Variants in KCNN2 observed in about 807,000 individuals in gnomAD.
The protein encoded by KCNN2 is potassium calcium-activated channel subfamily N member 2.
KCNN2 carries 24 observed loss-of-function variants against 55.5 expected under a neutral mutation model. The ratio of observed to expected loss-of-function variants is 0.43; its 90% confidence interval spans 0.31 to 0.61. The LOEUF is 0.61. Ranked by LOEUF, KCNN2 falls within the 20% of genes least tolerant of loss-of-function variation. The probability of loss-of-function intolerance (pLI) is 0.08; values close to 1 mark genes in which losing one functional copy is unlikely to be tolerated. For missense variants in KCNN2, 754 were observed against 853.6 expected (o/e 0.88, Z 1.45); for synonymous variants, 431 against 336.1 (o/e 1.28, Z -3.09).
intron 1 of KCNN2, among the ~76,000 whole-genome samples, chr5:114,211,544 A>T (rs1466141521): frequency 6.6e-6 from 1 of 152,002 alleles, no homozygotes; most frequent in Non-Finnish European, 1.5e-5. Flanking sequence ...GGAACAACAG[A>T]CTCTGGGACC....
chr5:114,325,910 T>A (rs1459234216), intron 2 of KCNN2, among the ~76,000 whole-genome samples: 1 of 152,216 alleles, frequency 6.6e-6, no homozygotes, highest in Admixed American at 6.5e-5. Flanking sequence ...CAGTACTATA[T>A]ACATCAAATG....
intron 2 of KCNN2, among the ~76,000 whole-genome samples, chr5:114,300,262 T>C (rs905378951): frequency 3.9e-5 from 6 of 152,234 alleles, no homozygotes; most frequent in African/African-American, 1.4e-4. Context: ...ACTATATGTT[T>C]TTAAAAGTCT....
At chr5:114,314,881 C>A (rs1009486502) in intron 2 of KCNN2, among the ~76,000 whole-genome samples, 6 of 152,082 alleles carry the variant, frequency 3.9e-5, no homozygotes, top group African/African-American at 1.4e-4. Flanking sequence ...CTCTTGAGGA[C>A]CCTCTAAACA....
intron 1 of KCNN2, among the ~76,000 whole-genome samples, chr5:114,167,238 C>T (rs998886814): frequency 6.6e-6 from 1 of 151,980 alleles, no homozygotes; most frequent in Non-Finnish European, 1.5e-5. Flanking sequence ...AATAAGCCAT[C>T]CCTGGTGTGC....
At chr5:114,236,641 C>G (rs753945573) in intron 2 of KCNN2, among the ~76,000 whole-genome samples, 4 of 152,022 alleles carry the variant, frequency 2.6e-5, no homozygotes, top group African/African-American at 9.7e-5. Context: ...TTTGCTGCCC[C>G]CCTTCATCCA....
chr5:114,388,692 A>G (rs1417432972), intron 2 of KCNN2, among the ~76,000 whole-genome samples: 3 of 152,122 alleles, frequency 2.0e-5, no homozygotes, highest in Admixed American at 6.6e-5. Context: ...CAATCTGTGT[A>G]TGTCTCAAAA....
intron 2 of KCNN2, among the ~76,000 whole-genome samples, chr5:114,321,300 G>A (rs1367083772): frequency 1.3e-5 from 2 of 152,092 alleles, no homozygotes; most frequent in Non-Finnish European, 2.9e-5. Context: ...TTGTGTTCAT[G>A]TGTGCCCCCA....
At chr5:114,424,248 T>G (rs1376774757) in intron 3 of KCNN2, among the ~76,000 whole-genome samples, 1 of 152,210 alleles carries the variant, frequency 6.6e-6, no homozygotes, top group African/African-American at 2.4e-5. Flanking sequence ...ACACTGTTCT[T>G]TCACTAATGC....
intron 3 of KCNN2, among the ~76,000 whole-genome samples, chr5:114,445,898 T>C (rs927725099): frequency 6.6e-6 from 1 of 152,200 alleles, no homozygotes; most frequent in Admixed American, 6.5e-5. Flanking sequence ...GGATCCCACC[T>C]TGGGCACCAG....
chr5:114,157,232 AC>A (rs1319261319), intron 1 of KCNN2, among the ~76,000 whole-genome samples: 1 of 139,804 alleles, frequency 7.2e-6, no homozygotes, highest in Non-Finnish European at 1.5e-5. Flanking sequence ...TTCATTTCCC[AC>A]CTATGAGTGA....
At chr5:114,493,202 C>T in intron 6 of KCNN2, 1 of 661,220 alleles carries the variant, frequency 1.5e-6, no homozygotes, top group South Asian at 1.6e-5. Flanking sequence ...CTTGCTCTCA[C>T]TCTCTCCTTT....
intron 2 of KCNN2, among the ~76,000 whole-genome samples, chr5:114,376,798 A>G (rs1278022968): frequency 2.0e-5 from 3 of 152,170 alleles, no homozygotes; most frequent in Non-Finnish European, 4.4e-5. Context: ...AAATCATCTC[A>G]TTGGCCAGCC....
At chr5:114,469,614 T>C (rs1761623150) in intron 4 of KCNN2, among the ~76,000 whole-genome samples, 1 of 152,184 alleles carries the variant, frequency 6.6e-6, no homozygotes, top group Non-Finnish European at 1.5e-5. Flanking sequence ...GGTGACAAGC[T>C]TTGGAGAAAA....
In KCNN2 at chr5:114,466,444, G is replaced by A. The variant is rs115818313; in HGVS notation, c.1779+3254G>A. ...TCCAATAAAGTAATTGTTTTACTTA[G>A]CATTTACAAAGTTATTTTATCTTCC... On this transcript the variant is annotated intron_variant, in intron 4 of 7. Coordinates refer to ENST00000673685, the MANE Select transcript of KCNN2 (RefSeq NM_021614.4). Among the ~76,000 whole-genome samples the A allele has an allele frequency of 4.5e-3, 676 of 149,380 alleles. 6 individuals are homozygous for A. Among genetic ancestry groups the A allele is most frequent in the African/African-American group, 0.014 (586 of 40,884 alleles).
chr5:114,222,221 G>A (rs1266775536), intron 2 of KCNN2, among the ~76,000 whole-genome samples: 1 of 152,142 alleles, frequency 6.6e-6, no homozygotes, highest in Non-Finnish European at 1.5e-5. Context: ...TAAATGAGGG[G>A]GATCAGAGAA....
chr5:114,267,971 T>A (rs1755244138), intron 2 of KCNN2, among the ~76,000 whole-genome samples: 2 of 152,172 alleles, frequency 1.3e-5, no homozygotes, highest in South Asian at 4.1e-4. Context: ...GAATGTTATG[T>A]CCTTTGCAGG....
intron 2 of KCNN2, among the ~76,000 whole-genome samples, chr5:114,289,002 C>A (rs1165376523): frequency 2.6e-5 from 4 of 151,990 alleles, no homozygotes; most frequent in Non-Finnish European, 5.9e-5. Context: ...TGCTCATTGA[C>A]CCATCTTGCG....
At chr5:114,334,246 A>T (rs1219313133) in intron 2 of KCNN2, among the ~76,000 whole-genome samples, 2 of 147,134 alleles carry the variant, frequency 1.4e-5, no homozygotes, top group Non-Finnish European at 3.0e-5. Context: ...TGTGGAATCT[A>T]CTCCATATGC....
chr5:114,153,098 G>A (rs1580563660), intron 1 of KCNN2, among the ~76,000 whole-genome samples: 1 of 152,168 alleles, frequency 6.6e-6, no homozygotes, highest in South Asian at 2.1e-4. Context: ...ACAGAATGTG[G>A]TATCATTCCG....
Sources: gnomAD v4.1 joint callset for allele counts (sites outside exome capture counted in the v4.1 genomes callset) on GRCh38, gnomAD v4.1.1 for gene constraint, MANE v1.5 for transcripts, NCBI Gene and HGNC (gene_info 2026-07-23, HGNC 2026-07-21) for gene names.